The following EYA1 variants were observed in gnomAD, a reference collection of about 807,000 sequenced individuals.
EYA1 encodes EYA transcriptional coactivator and phosphatase 1, also known as protein phosphatase EYA1.
Under a neutral mutation model 82.0 loss-of-function variants are expected in EYA1, and 16 were observed. The observed-to-expected ratio is 0.20, with a 90% CI of 0.13 to 0.30. The LOEUF (loss-of-function observed/expected upper bound fraction) is 0.30, where lower values mean the gene tolerates loss of function less well. EYA1 is among the 10% of genes least tolerant of loss of function. EYA1 has a pLI of 1.00. For missense variants in EYA1, 633 were observed against 730.7 expected (o/e 0.87, Z 1.54); for synonymous variants, 261 against 264.4 (o/e 0.99, Z 0.12).
intron 12 of EYA1, among the ~76,000 whole-genome samples, chr8:71,236,962 A>G (rs1811913314): frequency 6.6e-6 from 1 of 152,202 alleles, no homozygotes; most frequent in Non-Finnish European, 1.5e-5. Context: ...AGCAATGTAC[A>G]CAAGTTTTCA....
intron 2 of EYA1, among the ~76,000 whole-genome samples, chr8:71,493,359 G>A (rs907295922): frequency 6.6e-6 from 1 of 152,104 alleles, no homozygotes; most frequent in Admixed American, 6.5e-5. Flanking sequence ...CTACCTCTAC[G>A]GCTGGCTGAA....
chr8:71,435,765 G>T (rs1420909071), intron 2 of EYA1, among the ~76,000 whole-genome samples: 3 of 152,068 alleles, frequency 2.0e-5, no homozygotes, highest in African/African-American at 4.8e-5. Context: ...CAACTCCCAA[G>T]AAAATGTCCT....
chr8:71,452,132 T>C (rs1807435980), intron 2 of EYA1, among the ~76,000 whole-genome samples: 1 of 152,214 alleles, frequency 6.6e-6, no homozygotes, highest in South Asian at 2.1e-4. Context: ...ATCCCACGCA[T>C]GGCTTGGAGG....
chr8:71,334,852 T>C (rs1016601306), intron 3 of EYA1, among the ~76,000 whole-genome samples: 1 of 152,206 alleles, frequency 6.6e-6, no homozygotes, highest in Non-Finnish European at 1.5e-5. Flanking sequence ...GTGAAATACA[T>C]ACATGATATT....
intron 11 of EYA1, among the ~76,000 whole-genome samples, chr8:71,256,068 A>G (rs1037078091): frequency 6.6e-6 from 1 of 152,184 alleles, no homozygotes; most frequent in Non-Finnish European, 1.5e-5. Context: ...ATAAGTGTTG[A>G]TGAGGATGTG....
Position 71,354,847 on chromosome 8 carries a change from G to A in EYA1, c.59C>T (p.Pro20Leu). Residue 20 changes from proline (P) to leucine (L), a missense_variant, in exon 3 of 18, where the codon CCC becomes CTC. By Grantham distance (98) the Pro-to-Leu change is moderately conservative. Transcript: ENST00000340726. ...HSRLSGSSES[P>L]SGPKLGNSHI... ...AGAGTTACCGAGTTTGGGGCCACTG[G>A]GGGATTCACTACTACCACTCAGACG... 1 of 1,613,698 alleles carries A rather than the reference G, an allele frequency of 6.2e-7. No homozygotes were observed. The highest frequency in any genetic ancestry group is 8.5e-7 in the Non-Finnish European group (1 of 1,179,674).
chr8:71,467,069 T>C (rs1808826289), intron 2 of EYA1, among the ~76,000 whole-genome samples: 1 of 152,110 alleles, frequency 6.6e-6, no homozygotes, highest in Admixed American at 6.6e-5. Flanking sequence ...GGTTAATAAG[T>C]AAAATTAAGA....
At chr8:71,390,968 T>C (rs963433243) in intron 2 of EYA1, among the ~76,000 whole-genome samples, 1 of 152,038 alleles carries the variant, frequency 6.6e-6, no homozygotes, top group African/African-American at 2.4e-5. Context: ...AAATTTACCT[T>C]TTTTTGTTTT....
At chr8:71,449,831 A>G (rs968817715) in intron 2 of EYA1, among the ~76,000 whole-genome samples, 1 of 152,170 alleles carries the variant, frequency 6.6e-6, no homozygotes, top group Admixed American at 6.5e-5. Flanking sequence ...CATCTTCATC[A>G]ATGATCTTAG....
chr8:71,348,400 T>C (rs566528699), intron 3 of EYA1, among the ~76,000 whole-genome samples: 2 of 152,274 alleles, frequency 1.3e-5, no homozygotes, highest in African/African-American at 4.8e-5. Flanking sequence ...TCTCAGAAAA[T>C]TGGATGTTCT....
chr8:71,491,217 C>T (rs1810974258), intron 2 of EYA1, among the ~76,000 whole-genome samples: 2 of 152,062 alleles, frequency 1.3e-5, no homozygotes, highest in African/African-American at 2.4e-5. Flanking sequence ...TATATAAATA[C>T]TTTCTGCATT....
At chr8:71,228,993 A>G (rs1008756495) in intron 12 of EYA1, among the ~76,000 whole-genome samples, 1 of 152,210 alleles carries the variant, frequency 6.6e-6, no homozygotes, top group African/African-American at 2.4e-5. Context: ...GAGGGGAGAC[A>G]GGGAATATGT....
intron 11 of EYA1, among the ~76,000 whole-genome samples, chr8:71,246,914 C>T (rs1813165865): frequency 1.3e-5 from 2 of 151,602 alleles, no homozygotes; most frequent in South Asian, 2.1e-4. Flanking sequence ...ACTGCCCACA[C>T]CCCTCCAGCA....
chr8:71,529,713 A>C (rs1339393921), intron 2 of EYA1: 1 of 131,034 alleles, frequency 7.6e-6, no homozygotes, highest in Non-Finnish European at 1.5e-5. Context: ...TGGATGACCC[A>C]GTAATGTATA....
intron 2 of EYA1, among the ~76,000 whole-genome samples, chr8:71,491,209 TATAA>T (rs1388784191): frequency 4.6e-5 from 7 of 152,210 alleles, no homozygotes; most frequent in African/African-American, 1.7e-4. Context: ...CTTCCTCATA[TATAA>T]ATACTTTCTG....
intron 7 of EYA1, among the ~76,000 whole-genome samples, chr8:71,312,930 C>T (rs1317490626): frequency 2.0e-5 from 3 of 152,194 alleles, no homozygotes; most frequent in Non-Finnish European, 4.4e-5. Context: ...CCCTAATTTT[C>T]TGAACTAAAC....
chr8:71,405,108 ATGG>A (rs1289838845), intron 2 of EYA1, among the ~76,000 whole-genome samples: 2 of 152,048 alleles, frequency 1.3e-5, no homozygotes, highest in Non-Finnish European at 2.9e-5. Context: ...AGGTGCCAAT[ATGG>A]TATCATATTA....
chr8:71,214,059 G>A (rs946540474), intron 16 of EYA1, among the ~76,000 whole-genome samples: 1 of 152,156 alleles, frequency 6.6e-6, no homozygotes, highest in Admixed American at 6.5e-5. Context: ...TGCTTTGAAG[G>A]AGAAGCACAG....
intron 2 of EYA1, among the ~76,000 whole-genome samples, chr8:71,423,143 C>T (rs1831235855): frequency 6.6e-6 from 1 of 152,012 alleles, no homozygotes; most frequent in African/African-American, 2.4e-5. Context: ...ATTATGTTTT[C>T]AAATTGTTGT....
Sources: allele counts gnomAD v4.1 joint callset (sites outside exome capture counted in the v4.1 genomes callset), GRCh38; gene constraint gnomAD v4.1.1; transcripts MANE v1.5; gene names NCBI Gene and HGNC (gene_info 2026-07-23, HGNC 2026-07-21).